Variants in HEMK2 observed in about 807,000 individuals in gnomAD.
HEMK2 encodes methyltransferase HEMK2.
chr21:28,841,051 ATATTATATATAAATAAATAT>A, the HEMK2 span, among the ~76,000 whole-genome samples: 1 of 70,168 alleles, frequency 1.4e-5, no homozygotes, highest in African/African-American at 7.5e-5. Flanking sequence ...ATATAAATAA[ATATTATATATAAATAAATAT>A]TATATATTAT....
chr21:28,656,552 C>T, the HEMK2 span, among the ~76,000 whole-genome samples: 1 of 151,998 alleles, frequency 6.6e-6, no homozygotes, highest in Non-Finnish European at 1.5e-5. Context: ...TAGCACAGTC[C>T]ATGCAATACC....
At chr21:28,867,918 A>T in the HEMK2 span, among the ~76,000 whole-genome samples, 1 of 152,212 alleles carries the variant, frequency 6.6e-6, no homozygotes, top group Non-Finnish European at 1.5e-5. Context: ...CAAATTTAAA[A>T]TTCAACCTTT....
chr21:28,707,257 T>C, the HEMK2 span, among the ~76,000 whole-genome samples: 12 of 75,904 alleles, frequency 1.6e-4, no homozygotes, highest in South Asian at 3.2e-4. Context: ...ACAATTTTAA[T>C]TTTTTTTTTT....
chr21:28,584,722 T>A, the HEMK2 span, among the ~76,000 whole-genome samples: 3 of 149,220 alleles, frequency 2.0e-5, no homozygotes, highest in Admixed American at 6.7e-5. Flanking sequence ...TTGGGCGGAG[T>A]AGGAAAGCAA....
the HEMK2 span, among the ~76,000 whole-genome samples, chr21:28,642,116 T>C: frequency 8.5e-5 from 13 of 152,140 alleles, no homozygotes; most frequent in Admixed American, 2.6e-4. Context: ...TATTAGTAAA[T>C]AGGCACCTTC....
chr21:28,688,758 G>A, the HEMK2 span, among the ~76,000 whole-genome samples: 1 of 152,234 alleles, frequency 6.6e-6, no homozygotes, highest in Admixed American at 6.5e-5. Flanking sequence ...TTTCATGGCT[G>A]TCTCCATTTT....
the HEMK2 span, among the ~76,000 whole-genome samples, chr21:28,601,429 T>C: frequency 6.6e-6 from 1 of 152,176 alleles, no homozygotes; most frequent in Non-Finnish European, 1.5e-5. Flanking sequence ...GATAAGCATG[T>C]TTCTCTCCTT....
At chr21:28,856,667 G>A in the HEMK2 span, among the ~76,000 whole-genome samples, 1 of 152,276 alleles carries the variant, frequency 6.6e-6, no homozygotes, top group East Asian at 1.9e-4. Flanking sequence ...AGGGTCAGGC[G>A]ACAGTCCACC....
chr21:28,825,438 G>A, the HEMK2 span, among the ~76,000 whole-genome samples: 1 of 152,214 alleles, frequency 6.6e-6, no homozygotes, highest in African/African-American at 2.4e-5. Flanking sequence ...CTTGGCACTA[G>A]GGAGCTAGCA....
At chr21:28,611,506 AATATACAACC>A in the HEMK2 span, among the ~76,000 whole-genome samples, 1 of 152,140 alleles carries the variant, frequency 6.6e-6, no homozygotes, top group African/African-American at 2.4e-5. Flanking sequence ...AATGCCTAGA[AATATACAACC>A]ATGCAAGAGT....
the HEMK2 span, among the ~76,000 whole-genome samples, chr21:28,845,331 A>G: frequency 6.6e-6 from 1 of 152,076 alleles, no homozygotes; most frequent in Non-Finnish European, 1.5e-5. Context: ...ATGATGCAGT[A>G]GTTTTATTAT....
At chr21:28,846,532 C>T in the HEMK2 span, among the ~76,000 whole-genome samples, 16,853 of 152,064 alleles carry the variant, frequency 0.11, 1,180 homozygotes, top group East Asian at 0.34. Context: ...GGTTTCAATT[C>T]GCATCTCCCT....
the HEMK2 span, among the ~76,000 whole-genome samples, chr21:28,619,872 A>T: frequency 6.6e-6 from 1 of 152,198 alleles, no homozygotes. Flanking sequence ...AATCTGAGAT[A>T]AACACCACAT....
chr21:28,828,153 G>A, the HEMK2 span, among the ~76,000 whole-genome samples: 10 of 143,648 alleles, frequency 7.0e-5, no homozygotes, highest in South Asian at 2.1e-4. Context: ...AGAGTATTTC[G>A]AAACTGATAT....
the HEMK2 span, chr21:28,876,504 T>C: frequency 6.3e-6 from 10 of 1,581,888 alleles, no homozygotes; most frequent in Non-Finnish European, 8.6e-6. Flanking sequence ...AAAATAAAAA[T>C]CAAAAGGTAA....
At chr21:28,620,660 C>CTTTTTTTTTTTTTTTTTTTTTTTTTTTT in the HEMK2 span, among the ~76,000 whole-genome samples, 20 of 49,654 alleles carry the variant, frequency 4.0e-4, 6 homozygotes, top group Non-Finnish European at 4.9e-4. Flanking sequence ...TCTCTCTTTT[C>CTTTTTTTTTTTTTTTTTTTTTTTTTTTT]TTTTTTTTTT....
chr21:28,682,896 C>T, the HEMK2 span, among the ~76,000 whole-genome samples: 60 of 152,120 alleles, frequency 3.9e-4, no homozygotes, highest in African/African-American at 1.4e-3. Flanking sequence ...ACACTGGGGC[C>T]TGTGTAGGGG....
chr21:28,739,884 TAAG>T, the HEMK2 span, among the ~76,000 whole-genome samples: 1 of 152,178 alleles, frequency 6.6e-6, no homozygotes, highest in African/African-American at 2.4e-5. Flanking sequence ...TTTCCAAACA[TAAG>T]TAGAAATGGG....
chr21:28,787,467 A>G, the HEMK2 span, among the ~76,000 whole-genome samples: 15 of 152,274 alleles, frequency 9.9e-5, no homozygotes, highest in African/African-American at 3.6e-4. Flanking sequence ...TATACATCTG[A>G]CAAAGGACTA....
Sources: allele counts gnomAD v4.1 joint callset (sites outside exome capture counted in the v4.1 genomes callset), GRCh38; gene constraint gnomAD v4.1.1; transcripts MANE v1.5; gene names NCBI Gene and HGNC (gene_info 2026-07-23, HGNC 2026-07-21).